PLIN2: variants seen among roughly 807,000 people sequenced by gnomAD.
PLIN2 encodes the protein perilipin-2.
Under a neutral mutation model 30.6 loss-of-function variants are expected in PLIN2, and 33 were observed. The observed-to-expected ratio is 1.08, with a 90% confidence interval of 0.82 to 1.44. The LOEUF (loss-of-function observed/expected upper bound fraction) is 1.44. Among genes scored for constraint, PLIN2 ranks in the 40% most tolerant of loss-of-function variants. The pLI is 0.00. For missense variants in PLIN2, 610 were observed against 531.8 expected (o/e 1.15, Z -1.45); for synonymous variants, 205 against 201.1 (o/e 1.02, Z -0.16).
At chr9:19,123,472 T>A in intron 4 of PLIN2, 93 bp downstream of exon 4, 2 of 1,594,570 alleles carry the variant, frequency 1.3e-6, no homozygotes, top group Non-Finnish European at 8.6e-7. Context: ...AAAACAAGTA[T>A]TTGCCTGTTT....
chr9:19,123,633 T>C lies in PLIN2; in HGVS notation c.241A>G (p.Thr81Ala). Residue 81 changes from threonine to alanine, a missense_variant, in exon 4 of 8, where the codon ACC becomes GCC. Coordinates refer to ENST00000276914, the MANE Select transcript of PLIN2 (RefSeq NM_001122.4). ...KLEPQIAVAN[T>A]YACKGLDRIE... ...CTGTCTAGCCCCTTACAGGCATAGGTATTGGCAACTGCAACTAGAATCACA... is the reference window on the plus strand; with the variant it reads ...CTGTCTAGCCCCTTACAGGCATAGGCATTGGCAACTGCAACTAGAATCACA... 6.2e-7 allele frequency: 1 copy of C among 1,613,560 alleles called. No homozygotes were observed. The highest frequency in any genetic ancestry group is 1.3e-5 in the African/African-American group (1 of 75,018).
chr9:19,124,714 A>G (rs757975125), intron 3 of PLIN2, among the ~76,000 whole-genome samples: 3 of 152,196 alleles, frequency 2.0e-5, no homozygotes, highest in Non-Finnish European at 4.4e-5. Flanking sequence ...ATAACCCAGC[A>G]ATTCCACTCC....
rs1366960904 is a variant in PLIN2, at chr9:19,126,380, C to G, written c.30+17G>C. ...CAAAAGGAGAGAAAGTAGACAAAGG[C>G]TACTCAAAATTCATACCGGTTGTGG... is the stretch of plus-strand genomic sequence containing the variant. On this transcript the variant is annotated intron_variant, in intron 2 of 7. Transcript: ENST00000276914. The G allele has an allele frequency of 1.2e-6, 2 of 1,613,828 alleles. No individual in the cohort carries two copies. The highest frequency in any genetic ancestry group is 1.7e-6 in the Non-Finnish European group (2 of 1,179,908).
intron 3 of PLIN2, 68 bp downstream of exon 3, chr9:19,126,046 C>T: frequency 7.4e-7 from 1 of 1,359,456 alleles, no homozygotes; most frequent in Non-Finnish European, 1.0e-6. Context: ...CCAGATGTTA[C>T]TGCTGTGAGC....
intron 6 of PLIN2, 139 bp from the exon 7 acceptor site, chr9:19,118,594 T>C (rs757420583): frequency 2.0e-5 from 13 of 652,326 alleles, no homozygotes; most frequent in Admixed American, 3.4e-5. Context: ...CTGCTATCAT[T>C]ATTATTTATT....
Position 19,123,587 on chromosome 9 carries a change from A to G in PLIN2, c.287T>C (p.Ile96Thr). Residue 96 changes from isoleucine (I) to threonine (T), a missense_variant, in exon 4 of 8, where the codon ATT (isoleucine) becomes ACT (threonine). Transcript: ENST00000276914. The part of the protein sequence containing the change: ...GLDRIEERLP[I>T]LNQPSTQIVA... The stretch of plus-strand genomic sequence containing the variant: ...CACCTGAGTTGATGGCTGATTCAGA[A>G]TAGGCAGTCTCTCCTCAATCCTGTC... 1 of 1,614,226 alleles carries G rather than the reference A, an allele frequency of 6.2e-7. No individual in the cohort carries two copies. The highest frequency in any genetic ancestry group is 8.5e-7 in the Non-Finnish European group (1 of 1,180,032).
At chr9:19,110,378 G>A (rs1274577719) in intron 2 of PLIN2, among the ~76,000 whole-genome samples, 1 of 152,108 alleles carries the variant, frequency 6.6e-6, no homozygotes, top group African/African-American at 2.4e-5. Context: ...TGAATATAAC[G>A]GTGATGGTTG....
intron 5 of PLIN2, among the ~76,000 whole-genome samples, chr9:19,120,298 G>C (rs1160793922): frequency 6.6e-6 from 1 of 152,052 alleles, no homozygotes; most frequent in Admixed American, 6.6e-5. Context: ...CGATCTGCCT[G>C]TCTTAGCCTC....
intron 3 of PLIN2, among the ~76,000 whole-genome samples, chr9:19,124,882 A>C (rs1818371770): frequency 6.6e-6 from 1 of 152,230 alleles, no homozygotes; most frequent in Admixed American, 6.5e-5. Context: ...GTAAATTACT[A>C]TTCAACAATA....
chr9:19,112,194 A>G (rs1818168056), downstream of PLIN2, among the ~76,000 whole-genome samples: 1 of 152,204 alleles, frequency 6.6e-6, no homozygotes, highest in Non-Finnish European at 1.5e-5. Context: ...CAAACTAGAA[A>G]GACTATGTTA....
chr9:19,110,460 T>C (rs984357370), intron 2 of PLIN2, among the ~76,000 whole-genome samples: 7 of 151,636 alleles, frequency 4.6e-5, no homozygotes, highest in African/African-American at 1.7e-4. Context: ...AATTTTGACA[T>C]TGGATTTCGT....
intron 3 of PLIN2, 173 bp downstream of exon 3, chr9:19,125,941 A>C (rs1398712958): frequency 9.1e-6 from 5 of 548,790 alleles, no homozygotes; most frequent in Middle Eastern, 4.7e-4. Context: ...AAAAAAAGGA[A>C]AGAAAAGAAA....
At chr9:19,123,388 T>C in intron 4 of PLIN2, 177 bp downstream of exon 4, 1 of 1,551,478 alleles carries the variant, frequency 6.4e-7, no homozygotes, top group Non-Finnish European at 8.7e-7. Context: ...GCTTCGTAGA[T>C]ACAACTTGAC....
chr9:19,123,892 G>A (rs758065015), intron 3 of PLIN2, among the ~76,000 whole-genome samples: 32 of 151,898 alleles, frequency 2.1e-4, no homozygotes, highest in Admixed American at 1.1e-3. Context: ...GATGGTGTGC[G>A]CCTGTAGTCC....
Position 19,116,202 on chromosome 9 carries a change from G to C in PLIN2, c.*46C>G. On this transcript the variant is annotated 3_prime_UTR_variant, in exon 8 of 8. Transcript: ENST00000276914. ...GCAAGTTAATTTCAACATAACAAAA[G>C]GTGTCATCTGTCTGGCCACAGCATG... The C allele has an allele frequency of 6.7e-7, 1 of 1,502,602 alleles. No homozygotes were observed. Among genetic ancestry groups the C allele is most frequent in the Non-Finnish European group, 8.9e-7 (1 of 1,123,012 alleles). 93.1% of individuals were successfully genotyped at this position (1,502,602 alleles called of 1,614,324 possible). A position where few individuals can be genotyped will look rare whatever the true frequency, so the allele number is the denominator to read the frequency against.
chr9:19,118,523 T>G (rs529350304), intron 6 of PLIN2, 68 bp from the exon 7 acceptor site: 1 of 1,445,328 alleles, frequency 6.9e-7, no homozygotes, highest in South Asian at 1.3e-5. Flanking sequence ...TTTGCAGATG[T>G]ATGATGTAAA....
intron 4 of PLIN2, chr9:19,123,337 C>T: frequency 6.5e-7 from 1 of 1,548,204 alleles, no homozygotes; most frequent in Admixed American, 2.0e-5. Flanking sequence ...ATAGACAACA[C>T]ACTAAAAGTT....
At chr9:19,119,592 C>A (rs1242103654) in intron 6 of PLIN2, 58 bp downstream of exon 6, 14 of 1,004,776 alleles carry the variant, frequency 1.4e-5, no homozygotes, top group Non-Finnish European at 2.0e-5. Flanking sequence ...ACATTTAATT[C>A]TTGGGCCTAG....
In PLIN2 at chr9:19,116,509, G is replaced by A. The variant is rs778848881; in HGVS notation, c.1053C>T (p.Gly351=). Residue 351 remains glycine, a synonymous_variant, in exon 8 of 8, where the codon GGC becomes GGT. Coordinates refer to ENST00000276914, the MANE Select transcript of PLIN2 (RefSeq NM_001122.4). Reference sequence around the variant, plus strand: ...CATTGCGGAACACTGAGTAGATGTCGCCTGCCATCACCCCCATGTGCTTGG... The same window carrying A: ...CATTGCGGAACACTGAGTAGATGTCACCTGCCATCACCCCCATGTGCTTGG... ...DQAKHMGVMA[G]DIYSVFRNAA... is the part of the protein sequence containing the mutation. 1.5e-5 allele frequency: 25 copies of A among 1,613,992 alleles called. No homozygotes were observed. The highest frequency in any genetic ancestry group is 3.3e-5 in the Admixed American group (2 of 59,976).
Sources: gnomAD v4.1 joint callset for allele counts (sites outside exome capture counted in the v4.1 genomes callset) on GRCh38, gnomAD v4.1.1 for gene constraint, MANE v1.5 for transcripts, NCBI Gene and HGNC (gene_info 2026-07-23, HGNC 2026-07-21) for gene names.